ADAMTSL2: variants seen among roughly 807,000 people sequenced by gnomAD.
The protein encoded by ADAMTSL2 is ADAMTS-like protein 2.
Under a neutral mutation model 117.0 loss-of-function variants are expected in ADAMTSL2, and 55 were observed. The ratio of observed to expected loss-of-function variants is 0.47; its 90% CI spans 0.38 to 0.59. The LOEUF (loss-of-function observed/expected upper bound fraction) is 0.59. Ranked by LOEUF, ADAMTSL2 falls within the 20% of genes least tolerant of loss-of-function variation. ADAMTSL2 has a pLI of 0.00. For missense variants in ADAMTSL2, 1,182 were observed against 1,354.5 expected, an observed-to-expected ratio of 0.87 and a Z score of 2.00; for synonymous variants, 572 against 566.4, an observed-to-expected ratio of 1.01 and a Z score of -0.14.
intron 15 of ADAMTSL2, among the ~76,000 whole-genome samples, chr9:133,569,104 T>C (rs2131182131): frequency 6.6e-6 from 1 of 152,214 alleles, no homozygotes; most frequent in Admixed American, 6.5e-5. Context: ...TCTGTGTCTG[T>C]CTTTGTCTCT....
intron 15 of ADAMTSL2, among the ~76,000 whole-genome samples, 172 bp from the exon 16 acceptor site, chr9:133,569,236 C>G (rs1831048252): frequency 6.6e-6 from 1 of 152,164 alleles, no homozygotes; most frequent in African/African-American, 2.4e-5. Context: ...TTTCATCAAG[C>G]ATGCATTATT....
chr9:133,536,448 G>A, intron 1 of ADAMTSL2, 115 bp from the exon 2 acceptor site: 1 of 1,419,408 alleles, frequency 7.0e-7, no homozygotes. Flanking sequence ...GGTGGCACAG[G>A]CTTAGCACGC....
At chr9:133,556,939 G>C (rs1398887197) in intron 11 of ADAMTSL2, among the ~76,000 whole-genome samples, 1 of 152,216 alleles carries the variant, frequency 6.6e-6, no homozygotes, top group African/African-American at 2.4e-5. Context: ...CATGTGCCTG[G>C]GGGCTACTTT....
chr9:133,560,239 G>T (rs980936435), intron 11 of ADAMTSL2, among the ~76,000 whole-genome samples: 1 of 152,178 alleles, frequency 6.6e-6, no homozygotes, highest in Non-Finnish European at 1.5e-5. Flanking sequence ...AGCCCCTCTG[G>T]GCCCAGAGGA....
At chr9:133,564,195 A>G (rs1588303497) in intron 12 of ADAMTSL2, among the ~76,000 whole-genome samples, 1 of 61,022 alleles carries the variant, frequency 1.6e-5, no homozygotes, top group Non-Finnish European at 3.4e-5. Context: ...AGAGAGAGAG[A>G]GAGGGAGAGA....
At position 133,554,078 on chromosome 9, in the gene ADAMTSL2, C is replaced by T. The variant is rs796511430; in HGVS notation, c.940-279C>T. On this transcript the variant is annotated intron_variant, in intron 9 of 18. Transcript: ENST00000651351. This position sits in a 1 kb window ranked among gnomAD's most constrained non-coding sequence, Gnocchi z 5.2. ...ATGCAGAGACGAGGGCCCACCTGGG[C>T]GTGCCTGGAAGACTGTGACGCCTTG... is the stretch of plus-strand genomic sequence containing the variant. Among the ~76,000 whole-genome samples the T allele has an allele frequency of 4.8e-4, 73 of 152,328 alleles. No individual in the cohort carries two copies. The highest frequency in any genetic ancestry group is 1.6e-3 in the African/African-American group (65 of 41,570).
chr9:133,565,962 A>T (rs1049624518), intron 12 of ADAMTSL2, among the ~76,000 whole-genome samples: 31 of 152,158 alleles, frequency 2.0e-4, no homozygotes, highest in Admixed American at 1.3e-4. Flanking sequence ...GCTCCTGGGC[A>T]GGGAGCTGGG....
rs1162676734 is a variant in ADAMTSL2 at position 133,575,194 on chromosome 9, C to A, written c.*330C>A. On this transcript the variant is annotated 3_prime_UTR_variant, in exon 19 of 19. Coordinates refer to ENST00000651351, the MANE Select transcript of ADAMTSL2 (RefSeq NM_014694.4). ...CGAGGGGCCCAGGGCCCACAGCCAG[C>A]GGTGGAGGTGTCTTGCTCCGGGCCC... 6 of 382,420 alleles carry A rather than the reference C, an allele frequency of 1.6e-5. No individual in the cohort carries two copies. Among genetic ancestry groups the A allele is most frequent in the African/African-American group, 2.1e-5 (1 of 48,640 alleles). The allele number at this position is 382,420 out of a possible 1,614,324, so 23.7% of individuals were successfully genotyped here.
chr9:133,564,360 GA>G (rs1830875263), intron 12 of ADAMTSL2, among the ~76,000 whole-genome samples: 1 of 50,650 alleles, frequency 2.0e-5, no homozygotes, highest in Admixed American at 1.6e-4. Context: ...GAGGGAGAGA[GA>G]GAGGGAGAGA....
intron 12 of ADAMTSL2, among the ~76,000 whole-genome samples, chr9:133,565,193 C>T (rs1373644398): frequency 1.3e-5 from 2 of 152,084 alleles, no homozygotes; most frequent in African/African-American, 2.4e-5. Context: ...TGAAAAGCAC[C>T]GTTTTCGAGA....
At chr9:133,548,660 C>T (rs900586543) in intron 9 of ADAMTSL2, among the ~76,000 whole-genome samples, 2 of 152,128 alleles carry the variant, frequency 1.3e-5, no homozygotes, top group African/African-American at 4.8e-5. Flanking sequence ...CAAGTTGGGG[C>T]AGGAGGGCAT....
rs2301606 is a variant in ADAMTSL2, at chr9:133,569,488, C to G, written c.2325C>G (p.Ser775=). The change falls in exon 16 of 19, where the codon TCC becomes TCG. Residue 775 remains serine (S), a synonymous_variant. Transcript: ENST00000651351. ...GCGACGGACGGGTAGTACCTGAGTCCCAGTGCCAGATGGAGACCAAGCCTC... is the reference window on the plus strand; with the variant it reads ...GCGACGGACGGGTAGTACCTGAGTCGCAGTGCCAGATGGAGACCAAGCCTC... The part of the protein sequence containing the change: ...KTSDGRVVPE[S]QCQMETKPLA... 59,821 of 1,613,032 alleles carry G rather than the reference C, an allele frequency of 0.037. 1,635 individuals carry two copies. Among genetic ancestry groups the G allele is most frequent in the South Asian group, 0.11 (10,021 of 90,836 alleles).
In ADAMTSL2 at chr9:133,534,838, G is replaced by A. The variant is rs1830011901; in HGVS notation, c.-230G>A. 6.7e-7 allele frequency: 1 copy of A among 1,498,250 alleles called. No homozygotes were observed. The highest frequency in any genetic ancestry group is 8.9e-7 in the Non-Finnish European group (1 of 1,119,804). The allele number at this position is 1,498,250 out of a possible 1,614,324, so 92.8% of individuals were successfully genotyped here. ...CTCTGCACTCACGCCGCCCCCGCACGCACAGCGCACCTGGCGCCGTCTGCC... is the reference window on the plus strand; with the variant it reads ...CTCTGCACTCACGCCGCCCCCGCACACACAGCGCACCTGGCGCCGTCTGCC... On this transcript the variant is annotated 5_prime_UTR_variant, in exon 1 of 19. Transcript: ENST00000651351.
At chr9:133,562,700 T>C (rs867414165) in intron 12 of ADAMTSL2, among the ~76,000 whole-genome samples, 2,021 of 119,262 alleles carry the variant, frequency 0.017, 173 homozygotes, top group African/African-American at 0.066. Flanking sequence ...GGCGGCGTGG[T>C]GGGCACCCGA....
chr9:133,535,297 G>A (rs375543411), intron 1 of ADAMTSL2, among the ~76,000 whole-genome samples: 53 of 149,316 alleles, frequency 3.5e-4, no homozygotes, highest in African/African-American at 1.2e-3. Context: ...TGGGGCACCC[G>A]TTAGCCAATG....
At position 133,541,010 on chromosome 9, in the gene ADAMTSL2, C is replaced by A. The variant is rs769404599; in HGVS notation, c.682+9C>A. On this transcript the variant is annotated intron_variant, in intron 7 of 18. Transcript: ENST00000651351. ...GGGGAATGCCCACCTTGGTAAGCCA[C>A]AGCGCGCCCTGGAGTCCAAGCACAG... The A allele has an allele frequency of 1.9e-6, 3 of 1,612,096 alleles. No individual in the cohort carries two copies. The highest frequency in any genetic ancestry group is 1.7e-6 in the Non-Finnish European group (2 of 1,179,578).
Position 133,547,023 on chromosome 9 carries a change from G to T in ADAMTSL2, c.764-15G>T. On this transcript the variant is annotated splice_polypyrimidine_tract_variant and intron_variant, in intron 8 of 18. Transcript: ENST00000651351. ...CCAGTTTGGCCTTTTGTGACCGGCGGCTTTGCCCTTCCAGCTCTTGCAGAC... is the reference window on the plus strand; with the variant it reads ...CCAGTTTGGCCTTTTGTGACCGGCGTCTTTGCCCTTCCAGCTCTTGCAGAC... 7.4e-6 allele frequency: 12 copies of T among 1,613,514 alleles called. No individual in the cohort carries two copies. The highest frequency in any genetic ancestry group is 9.3e-6 in the Non-Finnish European group (11 of 1,179,618).
rs574660613 is a variant in ADAMTSL2 at position 133,549,346 on chromosome 9, C to G, written c.939+2133C>G. 2.8e-4 allele frequency among the ~76,000 whole-genome samples: 42 copies of G among 152,242 alleles called. 1 individual carries two copies. The highest frequency in any genetic ancestry group is 9.6e-4 in the African/African-American group (40 of 41,530). The stretch of plus-strand genomic sequence containing the variant: ...GCGACGCCCTCTATTTCCCCTTAGC[C>G]TGGCTTAGCACCTCAGAGGGGCCAG... On this transcript the variant is annotated intron_variant, in intron 9 of 18. Coordinates refer to ENST00000651351, the MANE Select transcript of ADAMTSL2 (RefSeq NM_014694.4).
At position 133,574,796 on chromosome 9, in the gene ADAMTSL2, G is replaced by C. The variant is rs1354169529; in HGVS notation, c.2788G>C (p.Val930Leu). The C allele has an allele frequency of 1.9e-6, 3 of 1,613,674 alleles. No homozygotes were observed. The highest frequency in any genetic ancestry group is 2.7e-5 in the African/African-American group (2 of 74,944). The change falls in exon 19 of 19, where the codon GTG (valine) becomes CTG (leucine). Residue 930 changes from valine (V) to leucine (L), a missense_variant. Val to Leu is a conservative substitution (Grantham distance 32). Coordinates refer to ENST00000651351, the MANE Select transcript of ADAMTSL2 (RefSeq NM_014694.4). ...PGTNCALAIKVNLCGHWYYSK... is the reference protein window; with the variant it reads ...PGTNCALAIKLNLCGHWYYSK... Reference sequence around the variant, plus strand: ...CACCAACTGTGCCCTGGCCATCAAAGTGAACCTCTGCGGGCACTGGTACTA... The same window carrying C: ...CACCAACTGTGCCCTGGCCATCAAACTGAACCTCTGCGGGCACTGGTACTA...
Sources: allele counts gnomAD v4.1 joint callset (sites outside exome capture counted in the v4.1 genomes callset), GRCh38; gene constraint gnomAD v4.1.1; non-coding constraint Gnocchi (gnomAD v3.1); transcripts MANE v1.5; gene names NCBI Gene and HGNC (gene_info 2026-07-23, HGNC 2026-07-21).